Variants in RAD54B observed in about 807,000 individuals in gnomAD.
The protein encoded by RAD54B is RAD54 homolog B, also known as DNA repair and recombination protein RAD54B.
Under a neutral mutation model 95.8 loss-of-function variants are expected in RAD54B, and 78 were observed. That is an observed-to-expected ratio of 0.81 (90% confidence interval 0.68 to 0.98). The LOEUF (loss-of-function observed/expected upper bound fraction) is 0.98, where lower values mean the gene tolerates loss of function less well. Ranked by LOEUF, RAD54B falls within the 50% of genes least tolerant of loss-of-function variation. RAD54B has a pLI of 0.00. For missense variants in RAD54B, 957 were observed against 1,056.6 expected, an observed-to-expected ratio of 0.91 and a Z score of 1.31; for synonymous variants, 328 against 354.9, an observed-to-expected ratio of 0.92 and a Z score of 0.85.
Position 94,377,324 on chromosome 8 carries a change from C to T in RAD54B, c.2515+856G>A, listed in dbSNP as rs186690473. On this transcript the variant is annotated intron_variant, in intron 14 of 14. Transcript: ENST00000336148. The stretch of plus-strand genomic sequence containing the variant: ...GCTGAGGCGGGCAGATCGCTGGAGC[C>T]CAGGAGTTCGAGACCAGTGTGGGCA... Among the ~76,000 whole-genome samples the T allele has an allele frequency of 1.5e-3, 226 of 149,280 alleles. 1 individual carries two copies. Among genetic ancestry groups the T allele is most frequent in the Admixed American group, 0.014 (205 of 14,962 alleles).
intron 1 of RAD54B, among the ~76,000 whole-genome samples, chr8:94,473,532 A>G (rs1813220045): frequency 6.6e-6 from 1 of 152,168 alleles, no homozygotes; most frequent in Non-Finnish European, 1.5e-5. Flanking sequence ...AGCACTTAGA[A>G]CAAAACTTGA....
chr8:94,421,365 A>T (rs767445314), intron 3 of RAD54B, among the ~76,000 whole-genome samples: 7 of 152,052 alleles, frequency 4.6e-5, no homozygotes, highest in Non-Finnish European at 8.8e-5. Flanking sequence ...TTCATACTTC[A>T]TCTACCTTTT....
intron 2 of RAD54B, among the ~76,000 whole-genome samples, chr8:94,460,504 A>G (rs932592820): frequency 1.3e-5 from 2 of 152,202 alleles, no homozygotes; most frequent in Admixed American, 1.3e-4. Context: ...TCAGTCATAC[A>G]TTTTCAATTG....
intron 3 of RAD54B, among the ~76,000 whole-genome samples, chr8:94,425,891 A>T (rs188704642): frequency 8.2e-4 from 124 of 152,114 alleles, no homozygotes; most frequent in Non-Finnish European, 1.5e-3. Context: ...AATGCACTTA[A>T]ATATTACAAA....
At chr8:94,414,690 A>G (rs1298587319) in intron 3 of RAD54B, among the ~76,000 whole-genome samples, 1 of 152,188 alleles carries the variant, frequency 6.6e-6, no homozygotes, top group Non-Finnish European at 1.5e-5. Flanking sequence ...AAATCAATGT[A>G]TAAAAATCAC....
chr8:94,471,236 TTTG>T (rs1813164536), intron 1 of RAD54B, among the ~76,000 whole-genome samples: 2 of 149,576 alleles, frequency 1.3e-5, no homozygotes, highest in Non-Finnish European at 3.0e-5. Flanking sequence ...AGGTTCAGTA[TTTG>T]TTATGTGAAT....
At chr8:94,381,969 T>C (rs901302522) in intron 11 of RAD54B, among the ~76,000 whole-genome samples, 3 of 151,652 alleles carry the variant, frequency 2.0e-5, no homozygotes, top group African/African-American at 4.8e-5. Context: ...AAAAAATTAG[T>C]CGGGCATGGT....
chr8:94,457,034 A>C (rs1318634773), intron 3 of RAD54B, among the ~76,000 whole-genome samples: 2 of 152,338 alleles, frequency 1.3e-5, no homozygotes, highest in East Asian at 3.8e-4. Flanking sequence ...AGAGAATGAG[A>C]AACTATGGTA....
chr8:94,391,484 T>C (rs997811348), intron 10 of RAD54B, 125 bp downstream of exon 10: 25 of 949,462 alleles, frequency 2.6e-5, no homozygotes, highest in African/African-American at 6.8e-5. Context: ...CCATACTAGA[T>C]AGCCAGCAGA....
intron 14 of RAD54B, among the ~76,000 whole-genome samples, chr8:94,374,123 C>CA (rs770161699): frequency 1.3e-5 from 2 of 151,960 alleles, no homozygotes; most frequent in Non-Finnish European, 2.9e-5. Flanking sequence ...ACTAAAAACA[C>CA]AAAAAATTAG....
At chr8:94,472,596 C>T (rs922070077) in intron 1 of RAD54B, among the ~76,000 whole-genome samples, 3 of 152,122 alleles carry the variant, frequency 2.0e-5, no homozygotes, top group Admixed American at 6.5e-5. Context: ...AGACTCCCCT[C>T]TAATACTGTG....
At chr8:94,470,065 G>A (rs1373568829) in intron 1 of RAD54B, among the ~76,000 whole-genome samples, 1 of 152,146 alleles carries the variant, frequency 6.6e-6, no homozygotes, top group Non-Finnish European at 1.5e-5. Flanking sequence ...CAGCAAGGAT[G>A]AACATGACTA....
chr8:94,392,401 A>T (rs966679759), intron 9 of RAD54B, among the ~76,000 whole-genome samples: 1 of 151,972 alleles, frequency 6.6e-6, no homozygotes, highest in Non-Finnish European at 1.5e-5. Context: ...AGCTGGGATT[A>T]CAGGCACACA....
At chr8:94,397,233 CATACTCCT>C (rs1441433438) in intron 8 of RAD54B, among the ~76,000 whole-genome samples, 1 of 152,144 alleles carries the variant, frequency 6.6e-6, no homozygotes, top group Non-Finnish European at 1.5e-5. Context: ...TATCACTGTA[CATACTCCT>C]ATACAAACAT....
intron 3 of RAD54B, among the ~76,000 whole-genome samples, chr8:94,433,666 G>A (rs1812179266): frequency 6.6e-6 from 1 of 151,650 alleles, no homozygotes; most frequent in African/African-American, 2.4e-5. Context: ...TGTATAACGT[G>A]AAGCTGTGAA....
intron 3 of RAD54B, among the ~76,000 whole-genome samples, chr8:94,422,599 A>T (rs1811832265): frequency 1.1e-5 from 1 of 88,712 alleles, no homozygotes; most frequent in Non-Finnish European, 2.1e-5. Flanking sequence ...AAAAAAAAAA[A>T]AAAAAAAAAA....
intron 12 of RAD54B, 81 bp downstream of exon 12, chr8:94,380,064 T>C: frequency 7.0e-7 from 1 of 1,421,380 alleles, no homozygotes; most frequent in Non-Finnish European, 9.5e-7. Flanking sequence ...ATATTATATA[T>C]CATCATTATC....
At chr8:94,444,151 A>C (rs1352608165) in intron 3 of RAD54B, among the ~76,000 whole-genome samples, 1 of 152,208 alleles carries the variant, frequency 6.6e-6, no homozygotes, top group Non-Finnish European at 1.5e-5. Context: ...TTCACAAGTA[A>C]ACAGGGAGAC....
intron 6 of RAD54B, among the ~76,000 whole-genome samples, chr8:94,403,671 C>T (rs1180600564): frequency 6.7e-6 from 1 of 149,712 alleles, no homozygotes; most frequent in Non-Finnish European, 1.5e-5. Context: ...AGTAAGACTC[C>T]GTCTCCAAAA....
Sources: allele counts gnomAD v4.1 joint callset (sites outside exome capture counted in the v4.1 genomes callset), GRCh38; gene constraint gnomAD v4.1.1; transcripts MANE v1.5; gene names NCBI Gene and HGNC (gene_info 2026-07-23, HGNC 2026-07-21).